Variants in TBC1D2B observed in about 807,000 individuals in gnomAD.
TBC1D2B encodes TBC1 domain family, member 2B.
TBC1D2B carries 64 observed loss-of-function variants against 100.8 expected under a neutral mutation model. The ratio of observed to expected loss-of-function variants is 0.64; its 90% confidence interval spans 0.52 to 0.78. The LOEUF (loss-of-function observed/expected upper bound fraction) is 0.78. Among genes scored for constraint, TBC1D2B ranks in the 30% least tolerant of loss-of-function variants. The pLI is 0.00. For synonymous variants in TBC1D2B, 480 were observed against 479.7 expected, an observed-to-expected ratio of 1.00 and a Z score of -0.01; for missense variants, 1,052 against 1,218.4, an observed-to-expected ratio of 0.86 and a Z score of 2.03.
chr15:78,037,336 C>G (rs1397951438), intron 3 of TBC1D2B, among the ~76,000 whole-genome samples: 1 of 152,196 alleles, frequency 6.6e-6, no homozygotes, highest in Non-Finnish European at 1.5e-5. Context: ...TGGACAGTCC[C>G]TCTCCATCTC....
intron 1 of TBC1D2B, among the ~76,000 whole-genome samples, chr15:78,068,299 T>A (rs117598215): frequency 1.3e-5 from 2 of 151,926 alleles, no homozygotes; most frequent in Non-Finnish European, 2.9e-5. Flanking sequence ...GCTTAGAATA[T>A]GATAGATGCT....
intron 2 of TBC1D2B, among the ~76,000 whole-genome samples, chr15:78,050,047 G>A (rs575020517): frequency 1.3e-5 from 2 of 152,230 alleles, no homozygotes; most frequent in Admixed American, 6.5e-5. Context: ...ATGGAATCAC[G>A]ACATTAAAGG....
intron 10 of TBC1D2B, among the ~76,000 whole-genome samples, chr15:78,006,725 T>C (rs2072078401): frequency 6.6e-6 from 1 of 152,242 alleles, no homozygotes; most frequent in African/African-American, 2.4e-5. Context: ...ATAGGGATAC[T>C]GATGGCTCAA....
At chr15:78,022,645 G>A (rs2072544120) in intron 6 of TBC1D2B, among the ~76,000 whole-genome samples, 3 of 151,984 alleles carry the variant, frequency 2.0e-5, no homozygotes, top group Admixed American at 2.0e-4. Flanking sequence ...GCTTTCCAGG[G>A]CTCAAGCAAT....
intron 2 of TBC1D2B, among the ~76,000 whole-genome samples, chr15:78,050,523 G>A (rs964331367): frequency 6.6e-6 from 1 of 152,218 alleles, no homozygotes; most frequent in Non-Finnish European, 1.5e-5. Context: ...GAGGCTATTA[G>A]CCATTTATGG....
At chr15:78,068,376 A>AACACAC (rs1213096055) in intron 1 of TBC1D2B, among the ~76,000 whole-genome samples, 1 of 111,254 alleles carries the variant, frequency 9.0e-6, no homozygotes, top group Non-Finnish European at 1.9e-5. Context: ...AAGCACACAC[A>AACACAC]CCACACCCAC....
chr15:78,000,192 A>T (rs1158267914), intron 12 of TBC1D2B, among the ~76,000 whole-genome samples: 2 of 152,222 alleles, frequency 1.3e-5, no homozygotes, highest in Admixed American at 1.3e-4. Context: ...AGCAAGCTGC[A>T]GGGGAGACCG....
intron 3 of TBC1D2B, among the ~76,000 whole-genome samples, chr15:78,039,513 C>T (rs937350514): frequency 3.3e-5 from 5 of 152,114 alleles, no homozygotes; most frequent in Non-Finnish European, 7.4e-5. Context: ...CACACCTTCC[C>T]GGCTAGCTCA....
chr15:78,067,229 T>C (rs2073673306), intron 1 of TBC1D2B, among the ~76,000 whole-genome samples: 1 of 152,208 alleles, frequency 6.6e-6, no homozygotes, highest in Admixed American at 6.5e-5. Context: ...GGCTGATCTC[T>C]GAGGGCCTCT....
intron 6 of TBC1D2B, among the ~76,000 whole-genome samples, chr15:78,021,441 C>G (rs1490953138): frequency 6.6e-6 from 1 of 152,214 alleles, no homozygotes; most frequent in African/African-American, 2.4e-5. Flanking sequence ...GGAACACACA[C>G]GAGAACACCC....
At chr15:78,070,109 G>A (rs1467312212) in intron 1 of TBC1D2B, among the ~76,000 whole-genome samples, 1 of 152,200 alleles carries the variant, frequency 6.6e-6, no homozygotes, top group Non-Finnish European at 1.5e-5. Flanking sequence ...CCCAAGGCCT[G>A]CCTCTTCCAA....
intron 3 of TBC1D2B, among the ~76,000 whole-genome samples, chr15:78,040,696 G>GA (rs2073059090): frequency 7.2e-6 from 1 of 138,006 alleles, no homozygotes; most frequent in Non-Finnish European, 1.6e-5. Flanking sequence ...AAAGAAAGGG[G>GA]GGGAGGGAGG....
chr15:78,046,530 G>C (rs1192820562), intron 2 of TBC1D2B, among the ~76,000 whole-genome samples: 1 of 151,540 alleles, frequency 6.6e-6, no homozygotes, highest in Non-Finnish European at 1.5e-5. Context: ...GGGTCTCAGT[G>C]AACACGACTC....
chr15:78,069,216 G>A (rs752195977), intron 1 of TBC1D2B, among the ~76,000 whole-genome samples: 2 of 152,150 alleles, frequency 1.3e-5, no homozygotes, highest in Non-Finnish European at 2.9e-5. Context: ...AAGGAAACTG[G>A]TAATGTGCAT....
intron 1 of TBC1D2B, among the ~76,000 whole-genome samples, chr15:78,074,752 A>G (rs1010288461): frequency 2.6e-5 from 4 of 152,212 alleles, no homozygotes; most frequent in South Asian, 4.1e-4. Context: ...TAACCTTTCT[A>G]TAAGTGGTAT....
chr15:78,057,990 G>A (rs1161480659), intron 1 of TBC1D2B, among the ~76,000 whole-genome samples: 1 of 152,208 alleles, frequency 6.6e-6, no homozygotes, highest in African/African-American at 2.4e-5. Flanking sequence ...CCCAGTCCCA[G>A]GAAATTGGTT....
chr15:78,053,967 AG>A, intron 2 of TBC1D2B, 66 bp downstream of exon 2: 1 of 1,467,484 alleles, frequency 6.8e-7, no homozygotes, highest in Non-Finnish European at 9.2e-7. Flanking sequence ...TTCACTGCTA[AG>A]TTCATATGTG....
intron 9 of TBC1D2B, among the ~76,000 whole-genome samples, chr15:78,009,468 AG>A (rs1377525166): frequency 1.3e-5 from 2 of 151,760 alleles, no homozygotes; most frequent in African/African-American, 4.8e-5. Context: ...TGAGCCCAGG[AG>A]GTGGAGGCTA....
At chr15:78,006,723 A>C (rs1475227774) in intron 10 of TBC1D2B, among the ~76,000 whole-genome samples, 1 of 152,224 alleles carries the variant, frequency 6.6e-6, no homozygotes, top group Non-Finnish European at 1.5e-5. Context: ...AAATAGGGAT[A>C]CTGATGGCTC....
Sources: allele counts gnomAD v4.1 joint callset (sites outside exome capture counted in the v4.1 genomes callset), GRCh38; gene constraint gnomAD v4.1.1; transcripts MANE v1.5; gene names NCBI Gene and HGNC (gene_info 2026-07-23, HGNC 2026-07-21).